MARCHF1: variants seen among roughly 807,000 people sequenced by gnomAD.
MARCHF1 encodes E3 ubiquitin-protein ligase MARCHF1.
MARCHF1 carries 40 observed loss-of-function variants against 54.2 expected under a neutral mutation model. The observed-to-expected ratio is 0.74, with a 90% CI of 0.57 to 0.96. The LOEUF is 0.96. MARCHF1 is among the 40% of genes least tolerant of loss of function. MARCHF1 has a pLI of 0.00. For missense variants in MARCHF1, 586 were observed against 656.5 expected, an observed-to-expected ratio of 0.89 and a Z score of 1.17; for synonymous variants, 236 against 236.3, an observed-to-expected ratio of 1.00 and a Z score of 0.01.
intron 3 of MARCHF1, among the ~76,000 whole-genome samples, chr4:163,900,626 T>C (rs1439100600): frequency 5.9e-5 from 9 of 152,288 alleles, no homozygotes; most frequent in East Asian, 1.9e-4. Flanking sequence ...CTGTTTCTTA[T>C]AGAGAGTTAA....
chr4:164,002,500 AATAG>A lies in MARCHF1; in HGVS notation c.-247-13795_-247-13792del, dbSNP rs377565458. ...AGATAATTGAACCTGAAAACATAGC[AATAG>A]ATAATGTCCAAACCATAGCGCCAAA... On this transcript the variant is annotated intron_variant, in intron 2 of 9. Coordinates refer to ENST00000514618, the MANE Select transcript of MARCHF1 (RefSeq NM_001394959.1). 2.9e-3 allele frequency among the ~76,000 whole-genome samples: 441 copies of A among 151,860 alleles called. 4 individuals carry two copies. Among genetic ancestry groups the A allele is most frequent in the African/African-American group, 0.01 (420 of 41,522 alleles).
intron 1 of MARCHF1, among the ~76,000 whole-genome samples, chr4:164,268,648 C>T (rs373485446): frequency 3.3e-5 from 5 of 152,212 alleles, no homozygotes; most frequent in East Asian, 1.9e-4. Flanking sequence ...GCATAAGGCC[C>T]TAATTAATAT....
At chr4:164,157,985 G>C (rs1165007966) in intron 1 of MARCHF1, among the ~76,000 whole-genome samples, 1 of 152,106 alleles carries the variant, frequency 6.6e-6, no homozygotes, top group Non-Finnish European at 1.5e-5. Flanking sequence ...GATGATTCTT[G>C]AGAAACATGT....
intron 5 of MARCHF1, among the ~76,000 whole-genome samples, chr4:163,637,726 A>C (rs71614774): frequency 9.9e-5 from 15 of 151,720 alleles, no homozygotes; most frequent in Non-Finnish European, 1.8e-4. Flanking sequence ...CATTTGACCC[A>C]GCCATCCCAT....
chr4:164,290,300 GA>G (rs1734257126), intron 1 of MARCHF1, among the ~76,000 whole-genome samples: 1 of 151,864 alleles, frequency 6.6e-6, no homozygotes, highest in Admixed American at 6.6e-5. Context: ...AAAAATCAGA[GA>G]GACCTGTTAG....
At chr4:164,105,887 A>G (rs1329651337) in intron 2 of MARCHF1, among the ~76,000 whole-genome samples, 4 of 148,508 alleles carry the variant, frequency 2.7e-5, no homozygotes, top group Non-Finnish European at 1.5e-5. Flanking sequence ...GCTAATATCT[A>G]GAATCTACAA....
intron 1 of MARCHF1, among the ~76,000 whole-genome samples, chr4:164,361,249 G>A (rs1047966164): frequency 6.6e-6 from 1 of 151,972 alleles, no homozygotes; most frequent in Admixed American, 6.6e-5. Context: ...ATTTAAAAAT[G>A]GACATTTCCT....
intron 3 of MARCHF1, among the ~76,000 whole-genome samples, chr4:163,938,793 A>G (rs766766922): frequency 2.0e-5 from 3 of 152,142 alleles, no homozygotes; most frequent in Non-Finnish European, 2.9e-5. Flanking sequence ...TTGTGGCAGC[A>G]AGGAGAAGCG....
chr4:164,180,091 G>C (rs1367545), intron 1 of MARCHF1, among the ~76,000 whole-genome samples: 58,700 of 150,984 alleles, frequency 0.39, 12,729 homozygotes, highest in Non-Finnish European at 0.5. Context: ...TTTAATAAAG[G>C]TCATATCCTT....
At chr4:164,134,942 T>C (rs1185025695) in intron 1 of MARCHF1, among the ~76,000 whole-genome samples, 1 of 152,150 alleles carries the variant, frequency 6.6e-6, no homozygotes, top group Non-Finnish European at 1.5e-5. Context: ...CTGGACAATA[T>C]CGTCAAAATT....
intron 4 of MARCHF1, among the ~76,000 whole-genome samples, chr4:163,833,792 A>T (rs1190745939): frequency 6.6e-6 from 1 of 152,210 alleles, no homozygotes; most frequent in African/African-American, 2.4e-5. Flanking sequence ...TAATTCAGAG[A>T]TCACAATGGA....
At chr4:163,724,441 G>T (rs1745586617) in intron 4 of MARCHF1, among the ~76,000 whole-genome samples, 1 of 152,210 alleles carries the variant, frequency 6.6e-6, no homozygotes, top group Admixed American at 6.5e-5. Context: ...CTCCCAGTTA[G>T]GCTACTTGGG....
In MARCHF1 at chr4:164,256,516, T is replaced by C. The variant is rs185615794; in HGVS notation, c.-323+127354A>G. ...GAATTGACTAACAAAATAAAAGGCA[T>C]TGGCTTTTTCCAAAGAATTAATTGA... On this transcript the variant is annotated intron_variant, in intron 1 of 9. Coordinates refer to ENST00000514618, the MANE Select transcript of MARCHF1 (RefSeq NM_001394959.1). Among the ~76,000 whole-genome samples the C allele has an allele frequency of 9.3e-5, 14 of 150,438 alleles. No individual in the cohort carries two copies. The East Asian group carries it at 1.9e-3, about 21-fold the overall frequency.
intron 1 of MARCHF1, among the ~76,000 whole-genome samples, chr4:164,341,950 A>G (rs1161493648): frequency 2.6e-5 from 4 of 152,248 alleles, no homozygotes; most frequent in Non-Finnish European, 4.4e-5. Flanking sequence ...CCAAAAAGAA[A>G]TTAAGGAAAC....
chr4:164,242,594 G>A (rs1732805781), intron 1 of MARCHF1, among the ~76,000 whole-genome samples: 1 of 152,216 alleles, frequency 6.6e-6, no homozygotes, highest in African/African-American at 2.4e-5. Context: ...AAGGAATGCA[G>A]TTCCTCACCA....
intron 1 of MARCHF1, among the ~76,000 whole-genome samples, chr4:164,134,229 G>A (rs1022630314): frequency 1.3e-5 from 2 of 152,108 alleles, no homozygotes; most frequent in Non-Finnish European, 2.9e-5. Context: ...ACTACAAGAG[G>A]GTGGTCATTG....
intron 5 of MARCHF1, among the ~76,000 whole-genome samples, chr4:163,675,189 G>A (rs1743872463): frequency 6.6e-6 from 1 of 152,168 alleles, no homozygotes; most frequent in Non-Finnish European, 1.5e-5. Flanking sequence ...GAATCAGATT[G>A]TCAAACATTT....
intron 1 of MARCHF1, among the ~76,000 whole-genome samples, chr4:164,165,662 T>C (rs1052197868): frequency 4.6e-5 from 7 of 151,994 alleles, no homozygotes; most frequent in African/African-American, 9.7e-5. Context: ...TGAAGGCCTC[T>C]TGTAGAGCAA....
At chr4:163,624,760 C>CA (rs1200380300) in intron 5 of MARCHF1, among the ~76,000 whole-genome samples, 1 of 152,228 alleles carries the variant, frequency 6.6e-6, no homozygotes, top group Non-Finnish European at 1.5e-5. Flanking sequence ...ACCTCAGTCT[C>CA]ACTGCAAACA....
Sources: gnomAD v4.1 joint callset for allele counts (sites outside exome capture counted in the v4.1 genomes callset) on GRCh38, gnomAD v4.1.1 for gene constraint, MANE v1.5 for transcripts, NCBI Gene and HGNC (gene_info 2026-07-23, HGNC 2026-07-21) for gene names.